The following CD151 variants were observed in gnomAD, a reference collection of about 807,000 sequenced individuals.
The protein encoded by CD151 is CD151 antigen.
A neutral mutation model predicts 34.2 loss-of-function variants in CD151; 20 were observed. The observed-to-expected ratio is 0.58, with a 90% CI of 0.41 to 0.85. The LOEUF (loss-of-function observed/expected upper bound fraction) is 0.85, where lower values mean the gene tolerates loss of function less well. Ranked by LOEUF, CD151 falls within the 40% of genes least tolerant of loss-of-function variation. The pLI is 0.00. For missense variants in CD151, 306 were observed against 324.5 expected, an observed-to-expected ratio of 0.94 and a Z score of 0.44; for synonymous variants, 157 against 131.7, an observed-to-expected ratio of 1.19 and a Z score of -1.32.
Position 838,545 on chromosome 11 carries a change from G to A in CD151, c.*353G>A. ...CAGGCCCTTCAGGAACTGGGGCCTT[G>A]CCTTGCAGCCACATGGCCCCATCCC... On this transcript the variant is annotated 3_prime_UTR_variant, in exon 9 of 9. Transcript: ENST00000397420. The A allele has an allele frequency of 5.4e-6, 2 of 367,936 alleles. No homozygotes were observed. The highest frequency in any genetic ancestry group is 1.0e-5 in the Non-Finnish European group (2 of 198,698). 22.8% of individuals were successfully genotyped at this position (367,936 alleles called of 1,614,324 possible).
In CD151 at chr11:837,383, G is replaced by A. The variant is rs374359496; in HGVS notation, c.456+29G>A. 8.7e-6 allele frequency: 14 copies of A among 1,608,496 alleles called. No individual in the cohort carries two copies. In the African/African-American group the frequency reaches 1.5e-4, roughly 17 times the overall value. On this transcript the variant is annotated intron_variant, in intron 6 of 8. Coordinates refer to ENST00000397420, the MANE Select transcript of CD151 (RefSeq NM_004357.5). ...GGTGGGTGGTGCTGGGAGGGCGCGT[G>A]CATCCCCAGGGCCTCCCTGGACCTC...
rs780771065 is a variant in CD151 at position 837,289 on chromosome 11, A to G, written c.391A>G (p.Thr131Ala). The G allele has an allele frequency of 5.6e-6, 9 of 1,612,990 alleles. No homozygotes were observed. The highest frequency in any genetic ancestry group is 3.4e-6 in the Non-Finnish European group (4 of 1,179,920). Residue 131 changes from threonine (T) to alanine (A), a missense_variant, in exon 6 of 9, where the codon ACC (threonine) becomes GCC (alanine). Thr to Ala is a moderately conservative substitution (Grantham distance 58). Transcript: ENST00000397420. ...CAAGGAGAACCTGAAGGACACCATG[A>G]CCAAGCGCTACCACCAGCCGGGCCA... ...ELKENLKDTMTKRYHQPGHEA... is the reference protein window; with the variant it reads ...ELKENLKDTMAKRYHQPGHEA...
At chr11:834,098 C>T (rs28681202) in intron 1 of CD151, 101,714 of 151,496 alleles carry the variant, frequency 0.67, 34,786 homozygotes, top group East Asian at 0.9. Flanking sequence ...TCAGACTGTC[C>T]CGAAATGTCG....
intron 7 of CD151, 152 bp from the exon 8 acceptor site, chr11:837,790 G>A (rs899889645): frequency 9.4e-6 from 8 of 850,856 alleles, no homozygotes; most frequent in Non-Finnish European, 1.5e-5. Flanking sequence ...ACGAGGAAGT[G>A]GGTGGGCAGC....
chr11:833,202 TCCCTCGCCTGCC>T (rs1565115097), intron 1 of CD151, among the ~76,000 whole-genome samples, 176 bp downstream of exon 1: 20 of 151,074 alleles, frequency 1.3e-4, no homozygotes, highest in Non-Finnish European at 2.2e-4. Context: ...CTGGCCCAGC[TCCCTCGCCTGCC>T]CCAGCTCCCT....
rs1424563046 is a variant in CD151 at position 838,131 on chromosome 11, A to G, written c.703-2A>G. ...CTTACGCCCACCCGGCTCTGCACAC[A>G]GGTCTTTGGCATGATCTTCACGTGC... On this transcript the variant is annotated splice_acceptor_variant, in intron 8 of 8. Coordinates refer to ENST00000397420, the MANE Select transcript of CD151 (RefSeq NM_004357.5). LOFTEE classifies it high-confidence loss of function. The G allele has an allele frequency of 3.1e-6, 5 of 1,613,150 alleles. No homozygotes were observed. The highest frequency in any genetic ancestry group is 4.2e-6 in the Non-Finnish European group (5 of 1,179,786).
intron 7 of CD151, 134 bp downstream of exon 7, chr11:837,752 G>A: frequency 1.0e-6 from 1 of 975,774 alleles, no homozygotes; most frequent in Non-Finnish European, 1.5e-6. Flanking sequence ...GGCCGGATGT[G>A]GGCAGTGAGA....
At chr11:835,964 G>A (rs1362736542) in intron 2 of CD151, 99 bp from the exon 3 acceptor site, 2 of 727,736 alleles carry the variant, frequency 2.7e-6, no homozygotes, top group African/African-American at 1.7e-5. Context: ...TGGGATTACA[G>A]GCGTGAGCCA....
At chr11:835,686 A>ATTATTTAT (rs903617458) in intron 2 of CD151, 1 of 169,878 alleles carries the variant, frequency 5.9e-6, no homozygotes, top group African/African-American at 2.5e-5. Flanking sequence ...GTCTCTTTTT[A>ATTATTTAT]TTATTTATTT....
In CD151 at chr11:836,618, C is replaced by T. The variant is rs1019400031; in HGVS notation, c.277-151C>T. On this transcript the variant is annotated intron_variant, in intron 4 of 8. Transcript: ENST00000397420. Reference sequence around the variant, plus strand: ...TCCTGCTGGACCAGCTGAGGGAAGACACCAGCTCCGCAAGAAAGCTTCAGG... The same window carrying T: ...TCCTGCTGGACCAGCTGAGGGAAGATACCAGCTCCGCAAGAAAGCTTCAGG... The T allele has an allele frequency of 4.6e-6, 4 of 862,808 alleles. No individual in the cohort carries two copies. The Admixed American group carries it at 6.8e-5, about 15-fold the overall frequency. The allele number at this position is 862,808 out of a possible 1,614,324, so 53.4% of individuals were successfully genotyped here. A position where few individuals can be genotyped will look rare whatever the true frequency, so the allele number is the denominator to read the frequency against.
intron 7 of CD151, 134 bp from the exon 8 acceptor site, chr11:837,808 C>T: frequency 1.2e-6 from 1 of 854,670 alleles, no homozygotes; most frequent in South Asian, 1.7e-5. Flanking sequence ...AGCCCAGTGG[C>T]TGGCTGAGCT....
intron 7 of CD151, 136 bp downstream of exon 7, chr11:837,754 G>A: frequency 1.0e-6 from 1 of 954,838 alleles, no homozygotes. Flanking sequence ...CCGGATGTGG[G>A]CAGTGAGACC....
At chr11:835,833 G>A (rs565651180) in intron 2 of CD151, 52 of 463,402 alleles carry the variant, frequency 1.1e-4, no homozygotes, top group South Asian at 5.9e-4. Context: ...GACTACAGGC[G>A]CCCGCCACCA....
intron 3 of CD151, 32 bp downstream of exon 3, chr11:836,185 C>A (rs753229468): frequency 6.8e-7 from 1 of 1,472,858 alleles, no homozygotes; most frequent in African/African-American, 1.4e-5. Flanking sequence ...CCCACCCCCA[C>A]CCCCACCCCT....
rs546760064 is a variant in CD151 at position 836,463 on chromosome 11, C to G, written c.276+21C>G. ...GCCTGGTCAGGAGGGCGCAGGGCCA[C>G]GGGGTGGGGGTGGTGCAGATGGGCC... On this transcript the variant is annotated intron_variant, in intron 4 of 8. Transcript: ENST00000397420. 5 of 1,573,750 alleles carry G rather than the reference C, an allele frequency of 3.2e-6. No individual in the cohort carries two copies. The African/African-American group carries it at 5.4e-5, about 17-fold the overall frequency.
Position 836,158 on chromosome 11 carries a change from G to C in CD151, c.84+5G>C. 6.2e-7 allele frequency: 1 copy of C among 1,611,294 alleles called. No homozygotes were observed. The highest frequency in any genetic ancestry group is 8.5e-7 in the Non-Finnish European group (1 of 1,178,674). ...ACCTACAATTGCTGCTTCTGGGTGA[G>C]GAGGGGTCGCCTTGCCCCCACCCCC... On this transcript the variant is annotated splice_donor_5th_base_variant and intron_variant, in intron 3 of 8. Transcript: ENST00000397420.
chr11:833,486 C>T (rs755775888), intron 1 of CD151, among the ~76,000 whole-genome samples: 82 of 152,368 alleles, frequency 5.4e-4, no homozygotes, highest in Non-Finnish European at 8.7e-4. Context: ...CATTGCAGTG[C>T]CCCGGGGACG....
At chr11:834,779 T>C (rs1419906909) in intron 2 of CD151, 188 bp downstream of exon 2, 2 of 152,416 alleles carry the variant, frequency 1.3e-5, no homozygotes, top group South Asian at 2.1e-4. Flanking sequence ...GGGAGGGGCA[T>C]AGCCTGTCTG....
Position 837,323 on chromosome 11 carries a change from TGACCAGCGCTGTG to T in CD151, c.433_445del (p.Ala145CysfsTer72). 4 of 1,612,916 alleles carry T rather than the reference TGACCAGCGCTGTG, an allele frequency of 2.5e-6. No individual in the cohort carries two copies. The highest frequency in any genetic ancestry group is 3.4e-6 in the Non-Finnish European group (4 of 1,179,932). The stretch of plus-strand genomic sequence containing the variant: ...TACCACCAGCCGGGCCATGAGGCTG[TGACCAGCGCTGTG>T]GACCAGCTGCAGCAGGAGGTGGGTG... On this transcript the variant is annotated frameshift_variant, in exon 6 of 9. Transcript: ENST00000397420. LOFTEE classifies it high-confidence loss of function.
Sources: allele counts gnomAD v4.1 joint callset (sites outside exome capture counted in the v4.1 genomes callset), GRCh38; gene constraint gnomAD v4.1.1; transcripts MANE v1.5; gene names NCBI Gene and HGNC (gene_info 2026-07-23, HGNC 2026-07-21).